CACNA2D4: variants seen among roughly 807,000 people sequenced by gnomAD.
CACNA2D4 encodes calcium voltage-gated channel auxiliary subunit alpha2delta 4.
A neutral mutation model predicts 163.8 loss-of-function variants in CACNA2D4; 157 were observed. The ratio of observed to expected loss-of-function variants is 0.96; its 90% confidence interval spans 0.84 to 1.09. CACNA2D4 has a LOEUF of 1.09. Among genes scored for constraint, CACNA2D4 ranks in the 50% least tolerant of loss-of-function variants. The pLI, the probability that CACNA2D4 is intolerant of heterozygous loss-of-function variation, is 0.00. For synonymous variants in CACNA2D4, 598 were observed against 586.9 expected, an observed-to-expected ratio of 1.02 and a Z score of -0.27; for missense variants, 1,410 against 1,479.9, an observed-to-expected ratio of 0.95 and a Z score of 0.78.
chr12:1,801,502 G>A lies in CACNA2D4; in HGVS notation c.2792+72C>T, dbSNP rs550683986. 3.7e-5 allele frequency: 46 copies of A among 1,259,374 alleles called. 1 individual carries two copies. In the South Asian group the frequency reaches 4.7e-4, roughly 13 times the overall value. The allele number at this position is 1,259,374 out of a possible 1,614,324, so 78.0% of individuals were successfully genotyped here. A position where few individuals can be genotyped will look rare whatever the true frequency, so the allele number is the denominator to read the frequency against. On this transcript the variant is annotated intron_variant, in intron 30 of 37. Transcript: ENST00000382722. ...TTTGGAGGTCAGGATCCTGAGATCC[G>A]CCAGGACCACTTAGCGTCAGCTCTC...
intron 13 of CACNA2D4, among the ~76,000 whole-genome samples, chr12:1,881,339 T>TG (rs1488069638): frequency 6.6e-6 from 1 of 152,232 alleles, no homozygotes; most frequent in Non-Finnish European, 1.5e-5. Context: ...ACAGGGAACC[T>TG]GGGGTTGCCT....
rs1202827473 is a variant in CACNA2D4 at position 1,887,023 on chromosome 12, G to A, written c.828C>T (p.Cys276=). The A allele has an allele frequency of 6.3e-7, 1 of 1,591,566 alleles. No homozygotes were observed. Among genetic ancestry groups the A allele is most frequent in the Admixed American group, 1.7e-5 (1 of 58,432 alleles). ...PDENGVITFD[C]RNRGWYIQAA... ...TGAGCTCTTACCAGCCGCGGTTTCG[G>A]CAGTCAAAAGTAATGACTCCATTCT... The change falls in exon 7 of 38, where the codon TGC becomes TGT. Residue 276 remains cysteine, a synonymous_variant. Transcript: ENST00000382722.
Position 1,793,054 on chromosome 12 carries a change from A to G in CACNA2D4, c.*601T>C, listed in dbSNP as rs2154444877. 1 of 152,848 alleles carries G rather than the reference A, an allele frequency of 6.5e-6. No homozygotes were observed. Among genetic ancestry groups the G allele is most frequent in the Middle Eastern group, 3.4e-3 (1 of 294 alleles). The allele number at this position is 152,848 out of a possible 1,614,324, so 9.5% of individuals were successfully genotyped here. ...TTTCATTCCTTTCTCAGTCTTGACC[A>G]TTCCCTTACCCAACCCCCACCCCAA... is the stretch of plus-strand genomic sequence containing the variant. On this transcript the variant is annotated 3_prime_UTR_variant, in exon 38 of 38. Transcript: ENST00000382722.
At chr12:1,804,016 T>C (rs746408657) in intron 29 of CACNA2D4, among the ~76,000 whole-genome samples, 2 of 152,110 alleles carry the variant, frequency 1.3e-5, no homozygotes, top group East Asian at 1.9e-4. Flanking sequence ...GTGAAAGACA[T>C]TGAAATCCTG....
At chr12:1,837,282 C>T (rs1001284633) in intron 26 of CACNA2D4, among the ~76,000 whole-genome samples, 2 of 152,174 alleles carry the variant, frequency 1.3e-5, no homozygotes, top group East Asian at 3.9e-4. Flanking sequence ...CTTTCAGCCT[C>T]ACTGGATGCT....
At position 1,918,591 on chromosome 12, in the gene CACNA2D4, C is replaced by G; in HGVS notation, c.-118G>C. ...TGGGTGGGGAGGGCTTCTCTCTGCC[C>G]CACAGCTGCAGCTCACAGAAGAGTC... On this transcript the variant is annotated 5_prime_UTR_variant, in exon 1 of 38. Transcript: ENST00000382722. 4.1e-6 allele frequency: 3 copies of G among 732,966 alleles called. No homozygotes were observed. In the South Asian group the frequency reaches 5.2e-5, roughly 13 times the overall value. The allele number at this position is 732,966 out of a possible 1,614,324, so 45.4% of individuals were successfully genotyped here.
chr12:1,841,317 C>T (rs1865021081), intron 25 of CACNA2D4, among the ~76,000 whole-genome samples: 2 of 152,216 alleles, frequency 1.3e-5, no homozygotes, highest in South Asian at 4.1e-4. Flanking sequence ...AGATGACGGA[C>T]CCTCCACTGC....
Position 1,875,103 on chromosome 12 carries a change from T to A in CACNA2D4, c.1806+148A>T. 1.6e-6 allele frequency: 1 copy of A among 634,236 alleles called. No individual in the cohort carries two copies. The highest frequency in any genetic ancestry group is 2.9e-6 in the Non-Finnish European group (1 of 346,888). 39.3% of individuals were successfully genotyped at this position (634,236 alleles called of 1,614,324 possible). A position where few individuals can be genotyped will look rare whatever the true frequency, so the allele number is the denominator to read the frequency against. ...AAGAATTGCTCATTTTAGGCATTGC[T>A]TGTGGCTTGAGCTTGGAAAGGCTCT... On this transcript the variant is annotated intron_variant, in intron 17 of 37. Transcript: ENST00000382722. The surrounding 1 kb of genome is among the most constrained non-coding windows in gnomAD (Gnocchi z 4.0).
intron 26 of CACNA2D4, 171 bp from the exon 27 acceptor site, chr12:1,811,894 AG>A (rs1863725737): frequency 2.2e-6 from 1 of 456,814 alleles, no homozygotes; most frequent in South Asian, 2.2e-5. Context: ...GGGGAGTGGG[AG>A]GGGTGGGGGA....
intron 26 of CACNA2D4, among the ~76,000 whole-genome samples, chr12:1,817,167 C>G (rs953473532): frequency 4.6e-5 from 7 of 152,218 alleles, no homozygotes; most frequent in African/African-American, 1.7e-4. Context: ...ACAGCGAATA[C>G]TTAGGTCACA....
At position 1,856,209 on chromosome 12, in the gene CACNA2D4, G is replaced by A; in HGVS notation, c.2029C>T (p.Pro677Ser). The change falls in exon 21 of 38, where the codon CCA becomes TCA. Residue 677 changes from proline to serine, a missense_variant. Coordinates refer to ENST00000382722, the MANE Select transcript of CACNA2D4 (RefSeq NM_172364.5). ...CAGTCACCGGCCAGGGCCAGGTCTG[G>A]GTGAAGCAAGTCATGCAGGCCTGAA... ...VEEGLHDLLH[P>S]DLALAGDWIY... is the part of the protein sequence containing the mutation. 1 of 1,614,030 alleles carries A rather than the reference G, an allele frequency of 6.2e-7. No homozygotes were observed. Among genetic ancestry groups the A allele is most frequent in the Non-Finnish European group, 8.5e-7 (1 of 1,179,900 alleles).
intron 6 of CACNA2D4, among the ~76,000 whole-genome samples, chr12:1,893,349 C>G (rs1032937126): frequency 1.2e-4 from 19 of 152,026 alleles, no homozygotes; most frequent in African/African-American, 4.1e-4. Context: ...AACCCCATCT[C>G]TACTAAAAAT....
rs1353376573 is a variant in CACNA2D4 at position 1,799,637 on chromosome 12, C to G, written c.2995+38G>C. ...TTGTAGCTCCTGCTGCGTCCCCAAC[C>G]CACCGCCAGCAGGGATGGCCTCAGC... On this transcript the variant is annotated intron_variant, in intron 34 of 37. Coordinates refer to ENST00000382722, the MANE Select transcript of CACNA2D4 (RefSeq NM_172364.5). This position sits in a 1 kb window ranked among gnomAD's most constrained non-coding sequence, Gnocchi z 4.7. 4.5e-6 allele frequency: 7 copies of G among 1,558,606 alleles called. No individual in the cohort carries two copies. In the East Asian group the frequency reaches 1.7e-4, roughly 38 times the overall value.
At chr12:1,859,351 T>C (rs1268519529) in intron 19 of CACNA2D4, among the ~76,000 whole-genome samples, 2 of 152,102 alleles carry the variant, frequency 1.3e-5, no homozygotes, top group Admixed American at 1.3e-4. Flanking sequence ...GGTGAGATCC[T>C]GTCTCAAAAA....
intron 35 of CACNA2D4, 150 bp from the exon 36 acceptor site, chr12:1,795,930 C>G (rs1181249502): frequency 7.8e-6 from 5 of 640,266 alleles, no homozygotes; most frequent in African/African-American, 1.8e-5. Context: ...GCTAAGGGAA[C>G]GGGCCTGGCA....
At chr12:1,837,103 G>A (rs182655619) in intron 26 of CACNA2D4, among the ~76,000 whole-genome samples, 9 of 152,376 alleles carry the variant, frequency 5.9e-5, no homozygotes, top group Middle Eastern at 3.4e-3. Context: ...TGGGGAGCCC[G>A]CCATGGCCCG....
chr12:1,828,782 T>C lies in CACNA2D4; in HGVS notation c.2551+11957A>G, dbSNP rs544122872. Among the ~76,000 whole-genome samples the C allele has an allele frequency of 2.6e-4, 39 of 152,246 alleles. No homozygotes were observed. The highest frequency in any genetic ancestry group is 8.9e-4 in the African/African-American group (37 of 41,546). On this transcript the variant is annotated intron_variant, in intron 26 of 37. Transcript: ENST00000382722. The surrounding 1 kb of genome is among the most constrained non-coding windows in gnomAD (Gnocchi z 4.2). ...TTTGGGGAGTGGGTCCAACCCCTCC[T>C]GCATATAGGCAGACTGAGCCGTCCA...
chr12:1,826,808 G>A (rs1188390638), intron 26 of CACNA2D4, among the ~76,000 whole-genome samples: 1 of 152,204 alleles, frequency 6.6e-6, no homozygotes, highest in African/African-American at 2.4e-5. Flanking sequence ...GAGAAGATGG[G>A]GGCAACAGGG....
chr12:1,824,938 A>T (rs80224265), intron 26 of CACNA2D4, among the ~76,000 whole-genome samples: 2,040 of 152,318 alleles, frequency 0.013, 49 homozygotes, highest in African/African-American at 0.047. Context: ...GGTGTCCAGG[A>T]GGAAGCCCAA....
Sources: gnomAD v4.1 joint callset for allele counts (sites outside exome capture counted in the v4.1 genomes callset) on GRCh38, gnomAD v4.1.1 for gene constraint, Gnocchi (gnomAD v3.1) non-coding constraint, MANE v1.5 for transcripts, NCBI Gene and HGNC (gene_info 2026-07-23, HGNC 2026-07-21) for gene names.